The following ADGRB1 variants were observed in gnomAD, a reference collection of about 807,000 sequenced individuals.
The protein encoded by ADGRB1 is adhesion G protein-coupled receptor B1, also known as brain-specific angiogenesis inhibitor 1.
ADGRB1 carries 36 observed loss-of-function variants against 175.7 expected under a neutral mutation model. The ratio of observed to expected loss-of-function variants is 0.20; its 90% CI spans 0.16 to 0.27. The LOEUF is 0.27. Among genes scored for constraint, ADGRB1 ranks in the 10% least tolerant of loss-of-function variants. ADGRB1 has a pLI of 1.00. For synonymous variants in ADGRB1, 1,054 were observed against 979.4 expected (o/e 1.08, Z -1.42); for missense variants, 1,731 against 2,255.3 (o/e 0.77, Z 4.71).
intron 9 of ADGRB1, 55 bp from the exon 10 acceptor site, chr8:142,481,199 G>A: frequency 1.9e-5 from 29 of 1,524,320 alleles, no homozygotes; most frequent in Non-Finnish European, 2.6e-5. Flanking sequence ...GGCCAAGGGT[G>A]GGATTCCTGG....
chr8:142,523,326 A>G (rs7465311), intron 22 of ADGRB1, among the ~76,000 whole-genome samples: 115,398 of 151,536 alleles, frequency 0.76, 44,019 homozygotes, highest in Middle Eastern at 0.85. Flanking sequence ...CCGAGGCTTG[A>G]AGGGAGGGCC....
At chr8:142,466,060 C>A (rs570675537) in intron 2 of ADGRB1, among the ~76,000 whole-genome samples, 1 of 152,168 alleles carries the variant, frequency 6.6e-6, no homozygotes, top group Non-Finnish European at 1.5e-5. Context: ...TGACGGGTGA[C>A]GTGCAAGAAA....
At chr8:142,522,795 G>C in intron 22 of ADGRB1, 85 bp downstream of exon 22, 1 of 1,318,560 alleles carries the variant, frequency 7.6e-7, no homozygotes, top group Non-Finnish European at 9.9e-7. Flanking sequence ...GGCTGGCCAT[G>C]CCCTCCCCCC....
At chr8:142,453,629 C>A (rs1839490831) in intron 1 of ADGRB1, among the ~76,000 whole-genome samples, 1 of 152,128 alleles carries the variant, frequency 6.6e-6, no homozygotes, top group Non-Finnish European at 1.5e-5. Context: ...TCACTAGACG[C>A]GTGGGTGCCC....
intron 2 of ADGRB1, among the ~76,000 whole-genome samples, chr8:142,469,999 C>A (rs1840563727): frequency 6.6e-6 from 1 of 152,220 alleles, no homozygotes; most frequent in South Asian, 2.1e-4. Context: ...CAACACACAG[C>A]CAAGTGCAGG....
intron 18 of ADGRB1, among the ~76,000 whole-genome samples, chr8:142,514,313 A>C (rs1224735107): frequency 2.6e-5 from 4 of 151,972 alleles, no homozygotes; most frequent in Middle Eastern, 6.3e-3. Flanking sequence ...GAGACCCACG[A>C]GTCCTCCTCT....
chr8:142,453,804 C>A (rs1014997476), intron 1 of ADGRB1, among the ~76,000 whole-genome samples: 1 of 152,200 alleles, frequency 6.6e-6, no homozygotes, highest in Admixed American at 6.5e-5. Flanking sequence ...AGAAGGCAAC[C>A]TACAGAGGCC....
chr8:142,482,621 TCGTCA>T (rs1841420489), intron 11 of ADGRB1, among the ~76,000 whole-genome samples: 1 of 148,192 alleles, frequency 6.7e-6, no homozygotes, highest in Non-Finnish European at 1.5e-5. Flanking sequence ...ACCCTGACCC[TCGTCA>T]CATGCTGAGT....
chr8:142,455,247 C>T lies in ADGRB1; in HGVS notation c.-220+5143C>T, dbSNP rs991797710. Among the ~76,000 whole-genome samples, 1 of 152,028 alleles carries T rather than the reference C, an allele frequency of 6.6e-6. No homozygotes were observed. The highest frequency in any genetic ancestry group is 2.4e-5 in the African/African-American group (1 of 41,376). On this transcript the variant is annotated intron_variant, in intron 1 of 30. Coordinates refer to ENST00000517894, the MANE Select transcript of ADGRB1 (RefSeq NM_001702.3). This position sits in a 1 kb window ranked among gnomAD's most constrained non-coding sequence, Gnocchi z 4.9. ...CAACAAACACCTTCCCCCCATCACTCCCACTCGCCTCAGCAGCACCTGGAC... is the reference window on the plus strand; with the variant it reads ...CAACAAACACCTTCCCCCCATCACTTCCACTCGCCTCAGCAGCACCTGGAC...
In ADGRB1 at chr8:142,510,846, A is replaced by G. The variant is rs1843061266; in HGVS notation, c.2676-86A>G. The G allele has an allele frequency of 1.5e-6, 1 of 689,178 alleles. No homozygotes were observed. Among genetic ancestry groups the G allele is most frequent in the Non-Finnish European group, 1.8e-6 (1 of 563,422 alleles). 42.7% of individuals were successfully genotyped at this position (689,178 alleles called of 1,614,324 possible). ...GGCCGGGGCCGGGGCCGGGGCGCGG[A>G]GCCGCCGCTCGGGGGCCGGGGCGCC... On this transcript the variant is annotated intron_variant, in intron 17 of 30. Transcript: ENST00000517894. The surrounding 1 kb of genome is among the most constrained non-coding windows in gnomAD (Gnocchi z 6.3).
intron 23 of ADGRB1, among the ~76,000 whole-genome samples, chr8:142,525,801 G>T (rs1022866947): frequency 1.3e-5 from 2 of 152,142 alleles, no homozygotes; most frequent in Non-Finnish European, 2.9e-5. Context: ...GCCCCTCGGG[G>T]TCCTAGCAGC....
rs758404455 is a variant in ADGRB1, at chr8:142,533,470, G to A, written c.3570+4G>A. ...GCACTGTATCCTCCGTAGAGAGGTG[G>A]GTGAGGCAGCCTCTGTCGGGCCGGG... On this transcript the variant is annotated splice_donor_region_variant and intron_variant, in intron 25 of 30. Coordinates refer to ENST00000517894, the MANE Select transcript of ADGRB1 (RefSeq NM_001702.3). The A allele has an allele frequency of 3.2e-5, 51 of 1,586,778 alleles. No individual in the cohort carries two copies. The Admixed American group carries it at 8.0e-4, about 25-fold the overall frequency.
intron 1 of ADGRB1, among the ~76,000 whole-genome samples, chr8:142,457,424 T>A (rs1587240649): frequency 6.6e-6 from 1 of 152,256 alleles, no homozygotes; most frequent in African/African-American, 2.4e-5. Flanking sequence ...GGTCTTTCTC[T>A]CCCCGCCAGC....
At chr8:142,501,078 A>G (rs183238207) in intron 17 of ADGRB1, among the ~76,000 whole-genome samples, 1 of 152,272 alleles carries the variant, frequency 6.6e-6, no homozygotes, top group Admixed American at 6.5e-5. Flanking sequence ...AGTTCCAGGG[A>G]CAGTGACGGA....
intron 13 of ADGRB1, among the ~76,000 whole-genome samples, chr8:142,486,273 A>T (rs1460385803): frequency 1.3e-5 from 2 of 152,154 alleles, no homozygotes; most frequent in East Asian, 3.8e-4. Context: ...GCATCTGTTT[A>T]TGCAAACCAG....
intron 17 of ADGRB1, among the ~76,000 whole-genome samples, chr8:142,501,246 T>G (rs543126432): frequency 2.0e-5 from 3 of 152,198 alleles, no homozygotes; most frequent in South Asian, 4.1e-4. Flanking sequence ...GTAATGACTG[T>G]GCTGTTAATG....
intron 17 of ADGRB1, among the ~76,000 whole-genome samples, chr8:142,494,967 A>G (rs1052098718): frequency 6.6e-6 from 1 of 152,138 alleles, no homozygotes; most frequent in African/African-American, 2.4e-5. Context: ...TTCCTTGACC[A>G]CAGGTGTCTC....
chr8:142,511,157 C>CCT lies in ADGRB1; in HGVS notation c.2817+85_2817+86insTC. 1 of 979,488 alleles carries CCT rather than the reference C, an allele frequency of 1.0e-6. No individual in the cohort carries two copies. The highest frequency in any genetic ancestry group is 1.2e-6 in the Non-Finnish European group (1 of 814,612). The allele number at this position is 979,488 out of a possible 1,614,324, so 60.7% of individuals were successfully genotyped here. ...CCGGCGGGCCTGCGGGTGGGGAGGG[C>CCT]CCGCACCCGTCCTGTCCCGGAGGGG... On this transcript the variant is annotated intron_variant, in intron 18 of 30. Transcript: ENST00000517894. The surrounding 1 kb of genome is among the most constrained non-coding windows in gnomAD (Gnocchi z 4.5).
intron 24 of ADGRB1, among the ~76,000 whole-genome samples, chr8:142,528,693 G>C (rs960803703): frequency 6.6e-6 from 1 of 152,050 alleles, no homozygotes; most frequent in East Asian, 1.9e-4. Flanking sequence ...TTGGGGCTCC[G>C]CGCTCTGAGT....
Sources: allele counts gnomAD v4.1 joint callset (sites outside exome capture counted in the v4.1 genomes callset), GRCh38; gene constraint gnomAD v4.1.1; non-coding constraint Gnocchi (gnomAD v3.1); transcripts MANE v1.5; gene names NCBI Gene and HGNC (gene_info 2026-07-23, HGNC 2026-07-21).